Variants in MTUS2 observed in about 807,000 individuals in gnomAD.
MTUS2 encodes the protein microtubule-associated tumor suppressor candidate 2.
In MTUS2, 40 loss-of-function variants were observed where a neutral mutation model predicts 114.1. The observed-to-expected ratio is 0.35, with a 90% CI of 0.27 to 0.46. The LOEUF is 0.46. Among genes scored for constraint, MTUS2 ranks in the 20% least tolerant of loss-of-function variants. The probability of loss-of-function intolerance (pLI) is 1.00; values close to 1 mark genes in which losing one functional copy is unlikely to be tolerated. For synonymous variants in MTUS2, 688 were observed against 672.0 expected (o/e 1.02, Z -0.37); for missense variants, 1,679 against 1,705.4 (o/e 0.98, Z 0.27).
At chr13:28,932,269 T>A (rs921553525) in intron 2 of MTUS2, among the ~76,000 whole-genome samples, 1 of 152,226 alleles carries the variant, frequency 6.6e-6, no homozygotes, top group African/African-American at 2.4e-5. Context: ...GAGCGTTTGT[T>A]TCCTTGTTTG....
chr13:29,381,448 A>G (rs968927816), intron 8 of MTUS2, among the ~76,000 whole-genome samples: 6 of 152,224 alleles, frequency 3.9e-5, no homozygotes, highest in Non-Finnish European at 7.3e-5. Flanking sequence ...GAGGAATCAT[A>G]TACTGTTTAT....
intron 2 of MTUS2, among the ~76,000 whole-genome samples, chr13:28,955,823 C>T (rs987820793): frequency 1.3e-5 from 2 of 151,834 alleles, no homozygotes; most frequent in Admixed American, 1.3e-4. Context: ...GGGGCCACTG[C>T]AGGCCTTCAT....
chr13:29,016,153 T>C lies in MTUS2; in HGVS notation c.-242-8304T>C, dbSNP rs530158808. On this transcript the variant is annotated intron_variant, in intron 2 of 15. Transcript: ENST00000612955. ...TTCCTGACCTCATGATCCACCCACC[T>C]CAGCCTCCCAAGATGCAGGGATTAC... Among the ~76,000 whole-genome samples the C allele has an allele frequency of 4.8e-4, 73 of 152,300 alleles. No individual in the cohort carries two copies. The East Asian group carries it at 0.012, about 25-fold the overall frequency.
chr13:28,837,509 G>T (rs908351739), intron 1 of MTUS2, among the ~76,000 whole-genome samples: 2 of 152,080 alleles, frequency 1.3e-5, no homozygotes, highest in Admixed American at 6.5e-5. Context: ...TTCTTAGGTG[G>T]CTCTTCATAG....
chr13:28,836,421 T>C (rs1875090886), intron 1 of MTUS2, among the ~76,000 whole-genome samples: 1 of 152,232 alleles, frequency 6.6e-6, no homozygotes. Flanking sequence ...ATTCTAGCTT[T>C]GGCTGTAGTG....
chr13:29,250,888 A>G (rs1897101337), intron 5 of MTUS2, among the ~76,000 whole-genome samples: 1 of 152,220 alleles, frequency 6.6e-6, no homozygotes, highest in South Asian at 2.1e-4. Flanking sequence ...GAAGATGTGC[A>G]GTCCCCATAG....
intron 5 of MTUS2, among the ~76,000 whole-genome samples, chr13:29,252,648 G>C (rs1203013236): frequency 6.6e-6 from 1 of 152,104 alleles, no homozygotes; most frequent in Non-Finnish European, 1.5e-5. Context: ...TGTTATGGGA[G>C]GGACCCAGTA....
chr13:29,018,036 C>G (rs184489520), intron 2 of MTUS2, among the ~76,000 whole-genome samples: 82 of 152,180 alleles, frequency 5.4e-4, no homozygotes, highest in African/African-American at 1.9e-3. Context: ...GAGAAAATAC[C>G]TAGTTCCACC....
intron 7 of MTUS2, among the ~76,000 whole-genome samples, chr13:29,336,373 A>G (rs1459676430): frequency 1.3e-5 from 2 of 151,916 alleles, no homozygotes; most frequent in African/African-American, 4.8e-5. Context: ...TTCTGTTGTT[A>G]GTTTTCCTTC....
intron 2 of MTUS2, among the ~76,000 whole-genome samples, chr13:28,965,289 T>A (rs149479782): frequency 1.3e-5 from 2 of 152,306 alleles, no homozygotes; most frequent in East Asian, 3.9e-4. Flanking sequence ...ACAAGTGGCC[T>A]CTAAGTCACT....
chr13:28,998,896 A>C (rs1029470538), intron 2 of MTUS2, among the ~76,000 whole-genome samples: 2 of 152,098 alleles, frequency 1.3e-5, no homozygotes, highest in African/African-American at 4.8e-5. Context: ...GAACTTGTCA[A>C]AGTCATTCTC....
At chr13:28,940,071 G>A (rs1415810732) in intron 2 of MTUS2, among the ~76,000 whole-genome samples, 1 of 152,152 alleles carries the variant, frequency 6.6e-6, no homozygotes, top group Non-Finnish European at 1.5e-5. Flanking sequence ...TGACACGTGG[G>A]AATTACGGGA....
chr13:29,208,226 T>G (rs1374316441), intron 5 of MTUS2, among the ~76,000 whole-genome samples: 2 of 152,242 alleles, frequency 1.3e-5, no homozygotes, highest in East Asian at 3.9e-4. Flanking sequence ...GTAAAGGTGT[T>G]CATAGTAGCC....
intron 5 of MTUS2, among the ~76,000 whole-genome samples, chr13:29,187,209 T>G (rs948875862): frequency 2.0e-4 from 29 of 147,146 alleles, no homozygotes; most frequent in African/African-American, 5.9e-4. Flanking sequence ...AAAAAAAAAG[T>G]GTAAACAAAA....
Position 29,071,409 on chromosome 13 carries a change from A to ATTTTTTTTTTTTTTTTTTTTTTTTTTT in MTUS2, c.2447-29356_2447-29330dup, listed in dbSNP as rs751020009. Among the ~76,000 whole-genome samples, 30 of 46,142 alleles carry ATTTTTTTTTTTTTTTTTTTTTTTTTTT rather than the reference A, an allele frequency of 6.5e-4. 6 individuals are homozygous for ATTTTTTTTTTTTTTTTTTTTTTTTTTT. Among genetic ancestry groups the ATTTTTTTTTTTTTTTTTTTTTTTTTTT allele is most frequent in the African/African-American group, 1.1e-3 (10 of 9,168 alleles). The allele number at this position is 46,142 out of a possible 152,430, so 30.3% of individuals were successfully genotyped here. On this transcript the variant is annotated intron_variant, in intron 4 of 15. Coordinates refer to ENST00000612955, the MANE Select transcript of MTUS2 (RefSeq NM_001033602.4). Reference sequence around the variant, plus strand: ...TTTAAAAGATCTCTATGTTGCTTGAATTTTTTTTTTTTTTTTTTTTTTTTT... The same window carrying ATTTTTTTTTTTTTTTTTTTTTTTTTTT: ...TTTAAAAGATCTCTATGTTGCTTGAATTTTTTTTTTTTTTTTTTTTTTTTTTTTTTTTTTTTTTTTTTTTTTTTTTTT...
At chr13:29,046,873 C>G (rs937414974) in intron 4 of MTUS2, among the ~76,000 whole-genome samples, 12 of 152,278 alleles carry the variant, frequency 7.9e-5, no homozygotes, top group African/African-American at 2.9e-4. Flanking sequence ...CTTTCCTCTC[C>G]ACTTTCTTTT....
At chr13:28,854,599 G>T (rs865904823) in intron 2 of MTUS2, among the ~76,000 whole-genome samples, 2 of 152,064 alleles carry the variant, frequency 1.3e-5, no homozygotes, top group African/African-American at 2.4e-5. Context: ...TTTTGCTCAT[G>T]TACCTCTTAA....
chr13:29,480,257 C>T lies in MTUS2; in HGVS notation c.3292C>T (p.Gln1098Ter). ...RLGWQQQAEL[Q>*]ELEERLQLQF... ...GGGCTGGCAGCAGCAGGCCGAGCTC[C>T]AGGAGCTGGAGGAGCGGCTGCAGCT... The change falls in exon 10 of 16, where the codon CAG becomes TAG. Residue 1098 changes from glutamine (Q) to a stop codon, truncating the protein, a stop_gained. Coordinates refer to ENST00000612955, the MANE Select transcript of MTUS2 (RefSeq NM_001033602.4). LOFTEE classifies it high-confidence loss of function. The surrounding 1 kb of genome is among the most constrained non-coding windows in gnomAD (Gnocchi z 4.4). 6.4e-7 allele frequency: 1 copy of T among 1,554,002 alleles called. No individual in the cohort carries two copies. Among genetic ancestry groups the T allele is most frequent in the Non-Finnish European group, 8.7e-7 (1 of 1,148,566 alleles).
chr13:29,487,217 G>A (rs1358901478), intron 10 of MTUS2, among the ~76,000 whole-genome samples: 1 of 152,170 alleles, frequency 6.6e-6, no homozygotes, highest in Non-Finnish European at 1.5e-5. Flanking sequence ...TGGTATTGGC[G>A]AGAGAATCCT....
Sources: allele counts gnomAD v4.1 joint callset (sites outside exome capture counted in the v4.1 genomes callset), GRCh38; gene constraint gnomAD v4.1.1; non-coding constraint Gnocchi (gnomAD v3.1); transcripts MANE v1.5; gene names NCBI Gene and HGNC (gene_info 2026-07-23, HGNC 2026-07-21).